PPP1R15B: variants seen among roughly 807,000 people sequenced by gnomAD.
PPP1R15B encodes the protein protein phosphatase 1, regulatory (inhibitor) subunit 15B.
In PPP1R15B, 31 loss-of-function variants were observed where a neutral mutation model predicts 53.9. That is an observed-to-expected ratio of 0.58 (90% CI 0.43 to 0.78). The LOEUF is 0.78. Among genes scored for constraint, PPP1R15B ranks in the 30% least tolerant of loss-of-function variants. The pLI, the probability that PPP1R15B is intolerant of heterozygous loss-of-function variation, is 0.00. For synonymous variants in PPP1R15B, 345 were observed against 329.1 expected, an observed-to-expected ratio of 1.05 and a Z score of -0.52; for missense variants, 928 against 849.6, an observed-to-expected ratio of 1.09 and a Z score of -1.15.
intron 1 of PPP1R15B, among the ~76,000 whole-genome samples, chr1:204,408,990 C>T (rs973689926): frequency 6.6e-6 from 1 of 152,176 alleles, no homozygotes; most frequent in African/African-American, 2.4e-5. Flanking sequence ...ATAAATCTGA[C>T]TTGCTACTTG....
rs1453980027 is a variant in PPP1R15B at position 204,406,449 on chromosome 1, TC to T, written c.1921-137del. Reference sequence around the variant, plus strand: ...ACATATTATTATTAGGAATATTTGGTCCCAGCTATATTTGAAGTTAAAAAAA... The same window carrying T: ...ACATATTATTATTAGGAATATTTGGTCCAGCTATATTTGAAGTTAAAAAAA... On this transcript the variant is annotated intron_variant, in intron 1 of 1. Transcript: ENST00000367188. 5 of 1,270,488 alleles carry T rather than the reference TC, an allele frequency of 3.9e-6. No homozygotes were observed. In the African/African-American group the frequency reaches 7.5e-5, roughly 19 times the overall value. The allele number at this position is 1,270,488 out of a possible 1,614,324, so 78.7% of individuals were successfully genotyped here.
At chr1:204,400,819 C>T (rs1031023427), downstream of PPP1R15B, 12 of 638,138 alleles carry the variant, frequency 1.9e-5, no homozygotes, top group African/African-American at 2.3e-4. Flanking sequence ...ATAAAATATT[C>T]AGCAAATAAA....
rs899884497 is a variant in PPP1R15B at position 204,404,259 on chromosome 1, G to A, written c.*1833C>T. 3.8e-5 allele frequency: 37 copies of A among 966,924 alleles called. No individual in the cohort carries two copies. The highest frequency in any genetic ancestry group is 6.2e-5 in the Admixed American group (1 of 16,196). The allele number at this position is 966,924 out of a possible 1,614,324, so 59.9% of individuals were successfully genotyped here. On this transcript the variant is annotated 3_prime_UTR_variant, in exon 2 of 2. Transcript: ENST00000367188. The stretch of plus-strand genomic sequence containing the variant: ...AGCACTTTGAGAGGCCGAGGCGGGC[G>A]GATCACGAGGTCAGCAGTTCAAGAC...
In PPP1R15B at chr1:204,409,991, C is replaced by T. The variant is rs777190150; in HGVS notation, c.1421G>A (p.Gly474Glu). 3 of 1,614,100 alleles carry T rather than the reference C, an allele frequency of 1.9e-6. No individual in the cohort carries two copies. Among genetic ancestry groups the T allele is most frequent in the Non-Finnish European group, 2.5e-6 (3 of 1,180,010 alleles). Residue 474 changes from glycine (G) to glutamate (E), a missense_variant, in exon 1 of 2, where the codon GGG becomes GAG. By Grantham distance (98) the Gly-to-Glu change is moderately conservative. Coordinates refer to ENST00000367188, the MANE Select transcript of PPP1R15B (RefSeq NM_032833.5). ...SDSDLEQDPE[G>E]LHLWNSFCSV... is the part of the protein sequence containing the mutation. Reference sequence around the variant, plus strand: ...GCAGAAAGAGTTCCAAAGGTGAAGCCCTTCAGGGTCTTGTTCAAGGTCTGA... The same window carrying T: ...GCAGAAAGAGTTCCAAAGGTGAAGCTCTTCAGGGTCTTGTTCAAGGTCTGA...
chr1:204,401,196 A>G (rs1204130615), downstream of PPP1R15B, among the ~76,000 whole-genome samples: 2 of 152,254 alleles, frequency 1.3e-5, no homozygotes, highest in Non-Finnish European at 2.9e-5. Flanking sequence ...TGTCACTGAA[A>G]CATATTGGTT....
rs1326203396 is a variant in PPP1R15B, at chr1:204,411,097, G to A, written c.315C>T (p.Ala105=). 6 of 1,614,160 alleles carry A rather than the reference G, an allele frequency of 3.7e-6. No individual in the cohort carries two copies. The highest frequency in any genetic ancestry group is 5.1e-6 in the Non-Finnish European group (6 of 1,180,018). The stretch of plus-strand genomic sequence containing the variant: ...TCTCCCGTCCCTTCAGGGCTCTCAG[G>A]GCGCTGTAGACTCCAGCAAAATCTA... ...RWLDFAGVYS[A]LRALKGREKP... Residue 105 remains alanine (A), a synonymous_variant, in exon 1 of 2, where the codon GCC becomes GCT. Coordinates refer to ENST00000367188, the MANE Select transcript of PPP1R15B (RefSeq NM_032833.5).
chr1:204,398,465 C>T (rs536444106), downstream of PPP1R15B, among the ~76,000 whole-genome samples: 8 of 151,996 alleles, frequency 5.3e-5, no homozygotes, highest in Middle Eastern at 3.4e-3. Flanking sequence ...TAGGCCTGGG[C>T]GACAGCAAGA....
At chr1:204,396,353 C>CAAAAAAAAAAAAAAAAACAAAAAAAAA (rs1448025124), downstream of PPP1R15B, among the ~76,000 whole-genome samples, 1 of 60,724 alleles carries the variant, frequency 1.6e-5, no homozygotes, top group South Asian at 6.1e-4. Context: ...ACTAAAAATA[C>CAAAAAAAAAAAAAAAAACAAAAAAAAA]AAAAAAAAAA....
rs971559297 is a variant in PPP1R15B at position 204,410,539 on chromosome 1, T to C, written c.873A>G (p.Pro291=). 1.9e-6 allele frequency: 3 copies of C among 1,614,158 alleles called. No individual in the cohort carries two copies. The South Asian group carries it at 3.3e-5, about 18-fold the overall frequency. Residue 291 remains proline, a synonymous_variant, in exon 1 of 2, where the codon CCA becomes CCG. Coordinates refer to ENST00000367188, the MANE Select transcript of PPP1R15B (RefSeq NM_032833.5). The part of the protein sequence containing the change: ...GCPPLSTEGL[P]EIHHLRMKRL... ...GTTTCATGCGAAGATGGTGAATTTC[T>C]GGTAGGCCTTCCGTAGAAAGAGGTG...
At position 204,403,436 on chromosome 1, in the gene PPP1R15B, T is replaced by C. The variant is rs1421228904; in HGVS notation, c.*2656A>G. On this transcript the variant is annotated 3_prime_UTR_variant, in exon 2 of 2. Transcript: ENST00000367188. Reference sequence around the variant, plus strand: ...TACAATTTACAGATTAGTTATGTTATATACACAAATATAATTTTAACTATA... The same window carrying C: ...TACAATTTACAGATTAGTTATGTTACATACACAAATATAATTTTAACTATA... 2 of 744,376 alleles carry C rather than the reference T, an allele frequency of 2.7e-6. No individual in the cohort carries two copies. The highest frequency in any genetic ancestry group is 2.6e-4 in the East Asian group (2 of 7,714). The allele number at this position is 744,376 out of a possible 1,614,324, so 46.1% of individuals were successfully genotyped here.
rs1674257973 is a variant in PPP1R15B, at chr1:204,406,020, C to G, written c.*72G>C. On this transcript the variant is annotated 3_prime_UTR_variant, in exon 2 of 2. Transcript: ENST00000367188. ...AAAAAAAATGTCAAAGGACAGCTGC[C>G]AAGATTTGTTTTTAAAAGACACCTC... The G allele has an allele frequency of 6.5e-7, 1 of 1,539,380 alleles. No homozygotes were observed.
chr1:204,405,577 A>C lies in PPP1R15B; in HGVS notation c.*515T>G. ...GCACTTTAAGTTGGTAGCATACACA[A>C]GGTTATTTTTTAGCCTAACATAGAC... On this transcript the variant is annotated 3_prime_UTR_variant, in exon 2 of 2. Coordinates refer to ENST00000367188, the MANE Select transcript of PPP1R15B (RefSeq NM_032833.5). 1.0e-6 allele frequency: 1 copy of C among 980,904 alleles called. No individual in the cohort carries two copies. The highest frequency in any genetic ancestry group is 1.2e-6 in the Non-Finnish European group (1 of 825,836). 60.8% of individuals were successfully genotyped at this position (980,904 alleles called of 1,614,324 possible). A position where few individuals can be genotyped will look rare whatever the true frequency, so the allele number is the denominator to read the frequency against.
In PPP1R15B at chr1:204,411,534, G is replaced by A. The variant is rs945987775; in HGVS notation, c.-123C>T. 35 of 1,324,948 alleles carry A rather than the reference G, an allele frequency of 2.6e-5. No homozygotes were observed. The highest frequency in any genetic ancestry group is 3.6e-5 in the Non-Finnish European group (35 of 975,436). The allele number at this position is 1,324,948 out of a possible 1,614,324, so 82.1% of individuals were successfully genotyped here. On this transcript the variant is annotated 5_prime_UTR_variant, in exon 1 of 2. Transcript: ENST00000367188. ...AGCGGTGGCGTCGCTGCTCCAGGCC[G>A]ATCTTCGAGCCAGCAGAAAAGCCAC... is the stretch of plus-strand genomic sequence containing the variant.
At position 204,409,531 on chromosome 1, in the gene PPP1R15B, A is replaced by T; in HGVS notation, c.1881T>A (p.Val627=). 6.2e-7 allele frequency: 1 copy of T among 1,613,378 alleles called. No homozygotes were observed. The highest frequency in any genetic ancestry group is 8.5e-7 in the Non-Finnish European group (1 of 1,179,708). ...SECPDSVQRD[V]LSGGRHTHVK... ...CATGTGTGTGTCTTCCTCCAGAAAG[A>T]ACGTCACGCTGTACCGAGTCTGGAC... is the stretch of plus-strand genomic sequence containing the variant. The change falls in exon 1 of 2, where the codon GTT becomes GTA. Residue 627 remains valine (V), a synonymous_variant. Coordinates refer to ENST00000367188, the MANE Select transcript of PPP1R15B (RefSeq NM_032833.5).
At position 204,411,239 on chromosome 1, in the gene PPP1R15B, G is replaced by T. The variant is rs750951846; in HGVS notation, c.173C>A (p.Thr58Asn). The change falls in exon 1 of 2, where the codon ACT becomes AAT. Residue 58 changes from threonine to asparagine, a missense_variant. By Grantham distance (65) the Thr-to-Asn change is moderately conservative. Transcript: ENST00000367188. Reference protein sequence around the residue: ...PTLLSSAQPETRVSYWTKLLS... With the variant: ...PTLLSSAQPENRVSYWTKLLS... ...CAGTTTCGTCCAGTAACTGACCCGAGTCTCGGGCTGGGCAGAGGAAAGCAG... is the reference window on the plus strand; with the variant it reads ...CAGTTTCGTCCAGTAACTGACCCGATTCTCGGGCTGGGCAGAGGAAAGCAG... The T allele has an allele frequency of 6.2e-7, 1 of 1,614,276 alleles. No homozygotes were observed. The highest frequency in any genetic ancestry group is 1.1e-5 in the South Asian group (1 of 91,092).
Position 204,404,870 on chromosome 1 carries a change from C to A in PPP1R15B, c.*1222G>T. ...ATAAACCAAACACAAACAGTCAATG[C>A]AAAGACTTCAATTCAAAGTAACCTT... On this transcript the variant is annotated 3_prime_UTR_variant, in exon 2 of 2. Transcript: ENST00000367188. The A allele has an allele frequency of 1.0e-6, 1 of 985,786 alleles. No individual in the cohort carries two copies. The highest frequency in any genetic ancestry group is 1.2e-6 in the Non-Finnish European group (1 of 829,878). 61.1% of individuals were successfully genotyped at this position (985,786 alleles called of 1,614,324 possible).
intron 1 of PPP1R15B, among the ~76,000 whole-genome samples, chr1:204,408,360 G>A (rs1050956374): frequency 2.0e-5 from 3 of 152,216 alleles, no homozygotes; most frequent in Non-Finnish European, 4.4e-5. Context: ...TTTACAAAGT[G>A]TGAACTAAAA....
chr1:204,406,947 T>C (rs1320897636), intron 1 of PPP1R15B, among the ~76,000 whole-genome samples: 1 of 151,488 alleles, frequency 6.6e-6, no homozygotes, highest in Non-Finnish European at 1.5e-5. Flanking sequence ...ATAAAATGAA[T>C]CCAGATAGGG....
Position 204,405,917 on chromosome 1 carries a change from T to C in PPP1R15B, c.*175A>G. The C allele has an allele frequency of 7.1e-7, 1 of 1,408,592 alleles. No homozygotes were observed. 87.3% of individuals were successfully genotyped at this position (1,408,592 alleles called of 1,614,324 possible). On this transcript the variant is annotated 3_prime_UTR_variant, in exon 2 of 2. Transcript: ENST00000367188. ...TTCATCCTTCATTATCAGGGCTGGC[T>C]TCAAACCTGAATGTTTCTGAGTGGG...
Sources: allele counts gnomAD v4.1 joint callset (sites outside exome capture counted in the v4.1 genomes callset), GRCh38; gene constraint gnomAD v4.1.1; transcripts MANE v1.5; gene names NCBI Gene and HGNC (gene_info 2026-07-23, HGNC 2026-07-21).